PRKCZ: variants seen among roughly 807,000 people sequenced by gnomAD.
The protein encoded by PRKCZ is protein kinase C zeta type.
In PRKCZ, 33 loss-of-function variants were observed where a neutral mutation model predicts 79.5. The ratio of observed to expected loss-of-function variants is 0.41; its 90% CI spans 0.31 to 0.55. The LOEUF (loss-of-function observed/expected upper bound fraction) is 0.55, where lower values mean the gene tolerates loss of function less well. PRKCZ is among the 20% of genes least tolerant of loss of function. PRKCZ has a pLI of 0.19. For synonymous variants in PRKCZ, 342 were observed against 320.9 expected (o/e 1.07, Z -0.70); for missense variants, 578 against 813.5 (o/e 0.71, Z 3.52).
rs959038532 is a variant in PRKCZ, at chr1:2,130,119, T to C, written c.335-5143T>C. Among the ~76,000 whole-genome samples the C allele has an allele frequency of 3.3e-5, 5 of 152,280 alleles. 1 individual carries two copies. The South Asian group carries it at 1.0e-3, about 32-fold the overall frequency. On this transcript the variant is annotated intron_variant, in intron 4 of 17. Transcript: ENST00000378567. Reference sequence around the variant, plus strand: ...CGGGGTCTCACCATATTGCCTAGGCTGGATTCAAATTCCTGGGCTCAAGTG... The same window carrying C: ...CGGGGTCTCACCATATTGCCTAGGCCGGATTCAAATTCCTGGGCTCAAGTG...
chr1:2,092,763 G>T (rs1020537208), intron 4 of PRKCZ, among the ~76,000 whole-genome samples: 1 of 152,228 alleles, frequency 6.6e-6, no homozygotes, highest in Non-Finnish European at 1.5e-5. Flanking sequence ...TGGAGGCCCT[G>T]GTCTTCACTG....
intron 6 of PRKCZ, 42 bp downstream of exon 6, chr1:2,144,383 G>T (rs572162760): frequency 1.0e-5 from 16 of 1,545,568 alleles, no homozygotes; most frequent in African/African-American, 9.6e-5. Context: ...CACGGGCGGG[G>T]TCGGGGCGTG....
chr1:2,097,321 G>A (rs1167578458), intron 4 of PRKCZ, among the ~76,000 whole-genome samples: 1 of 152,160 alleles, frequency 6.6e-6, no homozygotes, highest in Non-Finnish European at 1.5e-5. Context: ...GAGTTCAGGG[G>A]CCCAGGTACC....
At chr1:2,061,284 G>T (rs186596815) in intron 4 of PRKCZ, among the ~76,000 whole-genome samples, 1 of 152,184 alleles carries the variant, frequency 6.6e-6, no homozygotes, top group Non-Finnish European at 1.5e-5. Context: ...CTGCCTGGGG[G>T]CCTGGGGTCT....
At position 2,185,314 on chromosome 1, in the gene PRKCZ, CAG is replaced by C. The variant is rs942172227; in HGVS notation, c.*307_*308del. 42 of 718,588 alleles carry C rather than the reference CAG, an allele frequency of 5.8e-5. No homozygotes were observed. Among genetic ancestry groups the C allele is most frequent in the Non-Finnish European group, 1.0e-4 (39 of 385,094 alleles). 44.5% of individuals were successfully genotyped at this position (718,588 alleles called of 1,614,324 possible). On this transcript the variant is annotated 3_prime_UTR_variant, in exon 18 of 18. Coordinates refer to ENST00000378567, the MANE Select transcript of PRKCZ (RefSeq NM_002744.6). ...CCAAGGTGCACATTTTCCACGGAAA[CAG>C]AACTCGATGCACTGACCTGCTCCGC...
chr1:2,170,496 C>G (rs201037415), intron 11 of PRKCZ, among the ~76,000 whole-genome samples: 4 of 98,726 alleles, frequency 4.1e-5, no homozygotes, highest in Non-Finnish European at 6.5e-5. Flanking sequence ...ACTGTGGCAA[C>G]ACACAACATA....
chr1:2,100,248 T>A (rs531686065), intron 4 of PRKCZ, among the ~76,000 whole-genome samples: 4 of 152,358 alleles, frequency 2.6e-5, no homozygotes, highest in African/African-American at 7.2e-5. Context: ...TTTCAAAATC[T>A]GCCTTGTGGA....
intron 4 of PRKCZ, chr1:2,073,526 G>A: frequency 1.4e-6 from 1 of 713,448 alleles, no homozygotes; most frequent in Non-Finnish European, 1.7e-6. Flanking sequence ...CATTTTCAAG[G>A]TCCGCTGAGT....
In PRKCZ at chr1:2,050,482, G is replaced by C; in HGVS notation, c.-149G>C. On this transcript the variant is annotated 5_prime_UTR_variant, in exon 1 of 18. Coordinates refer to ENST00000378567, the MANE Select transcript of PRKCZ (RefSeq NM_002744.6). Reference sequence around the variant, plus strand: ...GCCCCCCGCTCCCGCCCCGCGCGCCGCCGGAGTTCCGCGGAGTTGACCGGG... The same window carrying C: ...GCCCCCCGCTCCCGCCCCGCGCGCCCCCGGAGTTCCGCGGAGTTGACCGGG... 1 of 323,070 alleles carries C rather than the reference G, an allele frequency of 3.1e-6. No homozygotes were observed. Among genetic ancestry groups the C allele is most frequent in the Non-Finnish European group, 5.1e-6 (1 of 196,836 alleles). The allele number at this position is 323,070 out of a possible 1,614,324, so 20.0% of individuals were successfully genotyped here. A position where few individuals can be genotyped will look rare whatever the true frequency, so the allele number is the denominator to read the frequency against.
chr1:2,066,781 C>T lies in PRKCZ; in HGVS notation c.334+7190C>T, dbSNP rs76363202. ...TCAAATATTTATCACCATAGCCAGG[C>T]GCCATGGCTCATGCTTGTAATCTCA... On this transcript the variant is annotated intron_variant, in intron 4 of 17. Coordinates refer to ENST00000378567, the MANE Select transcript of PRKCZ (RefSeq NM_002744.6). Among the ~76,000 whole-genome samples, 1,663 of 152,258 alleles carry T rather than the reference C, an allele frequency of 0.011. 139 individuals are homozygous for T. The East Asian group carries it at 0.21, about 19-fold the overall frequency.
intron 16 of PRKCZ, among the ~76,000 whole-genome samples, chr1:2,175,753 G>T (rs964654033): frequency 1.4e-4 from 22 of 152,104 alleles, no homozygotes; most frequent in Non-Finnish European, 2.9e-5. Flanking sequence ...CCCGAGGAGG[G>T]ATGGGGAGAC....
At chr1:2,054,324 G>A (rs374159474) in intron 1 of PRKCZ, among the ~76,000 whole-genome samples, 2 of 152,122 alleles carry the variant, frequency 1.3e-5, no homozygotes, top group Non-Finnish European at 2.9e-5. Context: ...GTTCACAAGG[G>A]TGTGATTCCC....
In PRKCZ at chr1:2,185,091, G is replaced by A; in HGVS notation, c.*82G>A. 1 of 1,360,580 alleles carries A rather than the reference G, an allele frequency of 7.3e-7. No homozygotes were observed. The highest frequency in any genetic ancestry group is 1.0e-6 in the Non-Finnish European group (1 of 978,260). 84.3% of individuals were successfully genotyped at this position (1,360,580 alleles called of 1,614,324 possible). Reference sequence around the variant, plus strand: ...ACCACCGCATATGCATGCCAGGCTGGGCACGGCTCCGAGGGCGGCCAGGGA... The same window carrying A: ...ACCACCGCATATGCATGCCAGGCTGAGCACGGCTCCGAGGGCGGCCAGGGA... On this transcript the variant is annotated 3_prime_UTR_variant, in exon 18 of 18. Coordinates refer to ENST00000378567, the MANE Select transcript of PRKCZ (RefSeq NM_002744.6).
At chr1:2,141,064 C>T (rs952089277) in intron 5 of PRKCZ, 9 of 152,242 alleles carry the variant, frequency 5.9e-5, no homozygotes, top group African/African-American at 2.2e-4. Flanking sequence ...CTCTGAGTTT[C>T]TGAGAATGGA....
chr1:2,149,025 T>C lies in PRKCZ; in HGVS notation c.687+101T>C. The C allele has an allele frequency of 1.5e-6, 2 of 1,304,052 alleles. No individual in the cohort carries two copies. The highest frequency in any genetic ancestry group is 1.9e-5 in the Admixed American group (1 of 53,230). 80.8% of individuals were successfully genotyped at this position (1,304,052 alleles called of 1,614,324 possible). A position where few individuals can be genotyped will look rare whatever the true frequency, so the allele number is the denominator to read the frequency against. On this transcript the variant is annotated intron_variant, in intron 8 of 17. Coordinates refer to ENST00000378567, the MANE Select transcript of PRKCZ (RefSeq NM_002744.6). The surrounding 1 kb of genome is among the most constrained non-coding windows in gnomAD (Gnocchi z 4.1). ...CGGAAATCTAGATGTGAAATAGACA[T>C]GGTCCGGGGTGTTGCTAACTAATCT...
At chr1:2,102,594 A>G (rs1667672289) in intron 4 of PRKCZ, among the ~76,000 whole-genome samples, 1 of 152,098 alleles carries the variant, frequency 6.6e-6, no homozygotes, top group African/African-American at 2.4e-5. Flanking sequence ...GGCCTCCCAA[A>G]GTGCTAGGAT....
chr1:2,176,096 A>G (rs1040171579), intron 16 of PRKCZ, among the ~76,000 whole-genome samples: 4 of 151,874 alleles, frequency 2.6e-5, no homozygotes, highest in Admixed American at 1.3e-4. Flanking sequence ...TCGATTTAGG[A>G]ATCTGATTTC....
At chr1:2,142,527 G>T (rs953935688) in intron 5 of PRKCZ, 1 of 297,038 alleles carries the variant, frequency 3.4e-6, no homozygotes, top group Non-Finnish European at 6.6e-6. Context: ...CCCAATGCCG[G>T]CATTAAGCTA....
At chr1:2,183,419 GTGAGTGAA>G (rs1210027786) in intron 16 of PRKCZ, among the ~76,000 whole-genome samples, 2 of 152,058 alleles carry the variant, frequency 1.3e-5, no homozygotes, top group African/African-American at 4.8e-5. Flanking sequence ...TAGAGAGTGA[GTGAGTGAA>G]TGAGTGAATG....
Sources: gnomAD v4.1 joint callset for allele counts (sites outside exome capture counted in the v4.1 genomes callset) on GRCh38, gnomAD v4.1.1 for gene constraint, Gnocchi (gnomAD v3.1) non-coding constraint, MANE v1.5 for transcripts, NCBI Gene and HGNC (gene_info 2026-07-23, HGNC 2026-07-21) for gene names.